PSG1: variants seen among roughly 807,000 people sequenced by gnomAD.
PSG1 encodes pregnancy-specific beta-1-glycoprotein 1.
A neutral mutation model predicts 41.4 loss-of-function variants in PSG1; 60 were observed. The observed-to-expected ratio is 1.45, with a 90% CI of 1.18 to 1.80. PSG1 has a LOEUF of 1.80. Ranked by LOEUF, PSG1 falls within the 40% of genes most tolerant of loss-of-function variation. The pLI is 0.00. For synonymous variants in PSG1, 256 were observed against 192.9 expected (o/e 1.33, Z -2.71); for missense variants, 806 against 516.9 (o/e 1.56, Z -5.42).
At chr19:42,876,182 C>A (rs1334531141) in intron 2 of PSG1, among the ~76,000 whole-genome samples, 1 of 151,310 alleles carries the variant, frequency 6.6e-6, no homozygotes, top group Non-Finnish European at 1.5e-5. Context: ...CAGGGCTTGC[C>A]AGTCAGAATG....
In PSG1 at chr19:42,867,901, G is replaced by A. The variant is rs571980779; in HGVS notation, c.1243+200C>T. ...GTTCTTCCTGCTTGGTCTAGGCTGG[G>A]AATATTATGAAGATATCAGCCTGTT... On this transcript the variant is annotated intron_variant, in intron 5 of 5. Coordinates refer to ENST00000436291, the MANE Select transcript of PSG1 (RefSeq NM_001184825.2). The A allele has an allele frequency of 5.3e-5, 78 of 1,473,580 alleles. 1 individual carries two copies. The African/African-American group carries it at 1.1e-3, about 20-fold the overall frequency. 91.3% of individuals were successfully genotyped at this position (1,473,580 alleles called of 1,614,324 possible).
intron 2 of PSG1, among the ~76,000 whole-genome samples, chr19:42,874,823 G>T (rs1023060215): frequency 2.6e-5 from 4 of 151,216 alleles, no homozygotes; most frequent in African/African-American, 9.7e-5. Context: ...AGTGAGGATG[G>T]GGTCAAGAGT....
Position 42,878,287 on chromosome 19 carries a change from T to G in PSG1, c.65-9A>C, listed in dbSNP as rs1210417137. Reference sequence around the variant, plus strand: ...GAAGTTTAAAAGTGATGCTAGGAGGTGGAGAGAACATCAGTCAATATTGAG... The same window carrying G: ...GAAGTTTAAAAGTGATGCTAGGAGGGGGAGAGAACATCAGTCAATATTGAG... On this transcript the variant is annotated splice_polypyrimidine_tract_variant and intron_variant, in intron 1 of 5. Coordinates refer to ENST00000436291, the MANE Select transcript of PSG1 (RefSeq NM_001184825.2). 1 of 1,599,618 alleles carries G rather than the reference T, an allele frequency of 6.3e-7. No homozygotes were observed. Among genetic ancestry groups the G allele is most frequent in the African/African-American group, 1.4e-5 (1 of 73,984 alleles).
rs144993779 is a variant in PSG1 at position 42,873,162 on chromosome 19, A to G, written c.431-1117T>C. On this transcript the variant is annotated intron_variant, in intron 2 of 5. Coordinates refer to ENST00000436291, the MANE Select transcript of PSG1 (RefSeq NM_001184825.2). Reference sequence around the variant, plus strand: ...AGAGGAGGTTCTAGAGATCTCCTGTACAGCCTCATGCCTATACTTCATACA... The same window carrying G: ...AGAGGAGGTTCTAGAGATCTCCTGTGCAGCCTCATGCCTATACTTCATACA... Among the ~76,000 whole-genome samples, 663 of 151,812 alleles carry G rather than the reference A, an allele frequency of 4.4e-3. 15 individuals are homozygous for G. The highest frequency in any genetic ancestry group is 0.014 in the Middle Eastern group (4 of 294).
chr19:42,877,792 C>G, intron 2 of PSG1, 121 bp downstream of exon 2: 2 of 1,580,156 alleles, frequency 1.3e-6, no homozygotes, highest in East Asian at 2.2e-5. Flanking sequence ...ATGCCCAAAT[C>G]CCAGCATGGG....
chr19:42,867,516 T>C (rs554871921), intron 5 of PSG1: 3 of 600,306 alleles, frequency 5.0e-6, no homozygotes, highest in Admixed American at 3.4e-5. Flanking sequence ...ATTCTATCTA[T>C]GTTTTTAATA....
chr19:42,867,325 G>A (rs929246922), intron 5 of PSG1, 175 bp from the exon 6 acceptor site: 2 of 638,336 alleles, frequency 3.1e-6, no homozygotes, highest in Non-Finnish European at 5.6e-6. Flanking sequence ...TTCTTCAAAT[G>A]TGGTCTGATT....
In PSG1 at chr19:42,874,861, C is replaced by G. The variant is rs972917124; in HGVS notation, c.431-2816G>C. ...ACTCAGAGATGGAGTGCCCAGCCAT[C>G]TCTGAGGGATTTTAACAAGTTGTTG... On this transcript the variant is annotated intron_variant, in intron 2 of 5. Transcript: ENST00000436291. Among the ~76,000 whole-genome samples the G allele has an allele frequency of 7.9e-5, 12 of 151,524 alleles. 1 individual carries two copies. The Middle Eastern group carries it at 0.01, about 129-fold the overall frequency.
In PSG1 at chr19:42,871,785, C is replaced by T. The variant is rs776145193; in HGVS notation, c.691G>A (p.Val231Ile). ...NPVSASRSDP[V>I]TLNLLPKLPK... is the part of the protein sequence containing the mutation. Reference sequence around the variant, plus strand: ...TACTCACGGAGGAGATTCAGGGTGACTGGGTCACTGCGGCTGGCACTCACT... The same window carrying T: ...TACTCACGGAGGAGATTCAGGGTGATTGGGTCACTGCGGCTGGCACTCACT... Residue 231 changes from valine (V) to isoleucine (I), a missense_variant, in exon 3 of 6, where the codon GTC (valine) becomes ATC (isoleucine). Transcript: ENST00000436291. 1 of 1,612,498 alleles carries T rather than the reference C, an allele frequency of 6.2e-7. No homozygotes were observed. Among genetic ancestry groups the T allele is most frequent in the Non-Finnish European group, 8.5e-7 (1 of 1,179,262 alleles).
Position 42,868,616 on chromosome 19 carries a change from G to T in PSG1, c.988+140C>A, listed in dbSNP as rs1028561147. ...GGCTGTGCCTACCCAGGATTTCCCA[G>T]GGCAGGGAGTCATGGCCAGCTCCGA... On this transcript the variant is annotated intron_variant, in intron 4 of 5. Coordinates refer to ENST00000436291, the MANE Select transcript of PSG1 (RefSeq NM_001184825.2). 113 of 1,521,000 alleles carry T rather than the reference G, an allele frequency of 7.4e-5. 1 individual carries two copies. Among genetic ancestry groups the T allele is most frequent in the Middle Eastern group, 2.4e-4 (1 of 4,116 alleles). 94.2% of individuals were successfully genotyped at this position (1,521,000 alleles called of 1,614,324 possible).
At position 42,868,183 on chromosome 19, in the gene PSG1, CT is replaced by C. The variant is rs1568414732; in HGVS notation, c.1160del (p.Lys387SerfsTer23). The C allele has an allele frequency of 3.1e-6, 5 of 1,612,386 alleles. 1 individual carries two copies. In the South Asian group the frequency reaches 5.5e-5, roughly 18 times the overall value. On this transcript the variant is annotated frameshift_variant, in exon 5 of 6. Coordinates refer to ENST00000436291, the MANE Select transcript of PSG1 (RefSeq NM_001184825.2). LOFTEE classifies it high-confidence loss of function. ...CAGAGCAAACATAGAGCCCGCTATGCTTTGTAGTAATATGGCGGATAAAGAG... is the reference window on the plus strand; with the variant it reads ...CAGAGCAAACATAGAGCCCGCTATGCTTGTAGTAATATGGCGGATAAAGAG... ...QKLFIRHITT[K>X]HSGLYVCSVR...
At chr19:42,871,437 A>G (rs1048556913) in intron 3 of PSG1, among the ~76,000 whole-genome samples, 7 of 151,750 alleles carry the variant, frequency 4.6e-5, no homozygotes, top group African/African-American at 1.5e-4. Flanking sequence ...AAGGGCCACA[A>G]TCACAGTGAC....
intron 2 of PSG1, 32 bp downstream of exon 2, chr19:42,877,881 C>G (rs769015057): frequency 6.2e-7 from 1 of 1,611,996 alleles, no homozygotes; most frequent in East Asian, 2.2e-5. Context: ...CCCCTGTCCC[C>G]CAACACCCAG....
At chr19:42,868,069 C>T (rs1971207617) in intron 5 of PSG1, 32 bp downstream of exon 5, 1 of 1,612,112 alleles carries the variant, frequency 6.2e-7, no homozygotes, top group Non-Finnish European at 8.5e-7. Flanking sequence ...CCACCTAAAA[C>T]CCTATTGCCA....
rs141942814 is a variant in PSG1 at position 42,878,275 on chromosome 19, G to A, written c.68C>T (p.Ser23Leu). Residue 23 changes from serine (S) to leucine (L), a missense_variant, in exon 2 of 6, where the codon TCA (serine) becomes TTA (leucine). By Grantham distance (145) the Ser-to-Leu change is moderately radical. Coordinates refer to ENST00000436291, the MANE Select transcript of PSG1 (RefSeq NM_001184825.2). Reference sequence around the variant, plus strand: ...GGGCAGGTTCCAGAAGTTTAAAAGTGATGCTAGGAGGTGGAGAGAACATCA... The same window carrying A: ...GGGCAGGTTCCAGAAGTTTAAAAGTAATGCTAGGAGGTGGAGAGAACATCA... ...IKWKGLLLTA[S>L]LLNFWNLPTT... The A allele has an allele frequency of 6.9e-6, 11 of 1,604,356 alleles. No homozygotes were observed. The highest frequency in any genetic ancestry group is 6.7e-5 in the African/African-American group (5 of 74,248).
At chr19:42,877,093 A>G (rs1249920236) in intron 2 of PSG1, among the ~76,000 whole-genome samples, 4 of 151,748 alleles carry the variant, frequency 2.6e-5, no homozygotes, top group African/African-American at 9.7e-5. Context: ...CACCTGACCT[A>G]ATGCTTGGCA....
chr19:42,870,042 A>G (rs1235957580), intron 3 of PSG1: 5 of 151,584 alleles, frequency 3.3e-5, no homozygotes, highest in Non-Finnish European at 7.4e-5. Flanking sequence ...TGGATTCCAG[A>G]GTGAATATGA....
intron 4 of PSG1, 114 bp from the exon 5 acceptor site, chr19:42,868,469 C>A: frequency 6.8e-7 from 1 of 1,479,564 alleles, no homozygotes; most frequent in Non-Finnish European, 9.1e-7. Context: ...CAAGTCCCAG[C>A]CCAACCCCCT....
rs765774005 is a variant in PSG1 at position 42,867,056 on chromosome 19, A to C, written c.*78T>G. 1.3e-6 allele frequency: 1 copy of C among 771,478 alleles called. No individual in the cohort carries two copies. The highest frequency in any genetic ancestry group is 2.4e-6 in the Non-Finnish European group (1 of 417,528). 47.8% of individuals were successfully genotyped at this position (771,478 alleles called of 1,614,324 possible). A position where few individuals can be genotyped will look rare whatever the true frequency, so the allele number is the denominator to read the frequency against. On this transcript the variant is annotated 3_prime_UTR_variant, in exon 6 of 6. Transcript: ENST00000436291. Reference sequence around the variant, plus strand: ...ACATTGAGTTGTCCACCTCCAGCTTATAGGGCTTCTGGAACAGAGTGGGTC... The same window carrying C: ...ACATTGAGTTGTCCACCTCCAGCTTCTAGGGCTTCTGGAACAGAGTGGGTC...
Sources: allele counts gnomAD v4.1 joint callset (sites outside exome capture counted in the v4.1 genomes callset), GRCh38; gene constraint gnomAD v4.1.1; transcripts MANE v1.5; gene names NCBI Gene and HGNC (gene_info 2026-07-23, HGNC 2026-07-21).